ATG7: variants seen among roughly 807,000 people sequenced by gnomAD.
ATG7 encodes autophagy related 7.
ATG7 carries 70 observed loss-of-function variants against 82.4 expected under a neutral mutation model. That is an observed-to-expected ratio of 0.85 (90% CI 0.70 to 1.04). The LOEUF is 1.04. ATG7 is among the 50% of genes least tolerant of loss of function. The probability of loss-of-function intolerance (pLI) is 0.00; values close to 1 mark genes in which losing one functional copy is unlikely to be tolerated. For missense variants in ATG7, 792 were observed against 864.3 expected (o/e 0.92, Z 1.05); for synonymous variants, 287 against 313.0 (o/e 0.92, Z 0.88).
At chr3:11,336,364 G>A (rs1952490478) in intron 11 of ATG7, among the ~76,000 whole-genome samples, 2 of 152,018 alleles carry the variant, frequency 1.3e-5, no homozygotes, top group African/African-American at 2.4e-5. Context: ...GAACCACACC[G>A]TACATTTCCA....
At chr3:11,304,326 G>T (rs553303104) in intron 5 of ATG7, among the ~76,000 whole-genome samples, 1 of 152,112 alleles carries the variant, frequency 6.6e-6, no homozygotes, top group Non-Finnish European at 1.5e-5. Context: ...AATTACAAGC[G>T]GTCTAAGCGC....
intron 20 of ATG7, among the ~76,000 whole-genome samples, chr3:11,456,036 A>AT (rs565151670): frequency 2.2e-4 from 34 of 152,154 alleles, no homozygotes; most frequent in Non-Finnish European, 4.9e-4. Context: ...CAGTTCAATA[A>AT]TTTTTTTTAA....
chr3:11,346,604 A>G (rs942993536), intron 13 of ATG7: 6 of 152,200 alleles, frequency 3.9e-5, no homozygotes, highest in Non-Finnish European at 8.8e-5. Context: ...TGACTAACCT[A>G]TGGCATGTTT....
chr3:11,342,080 G>T, intron 12 of ATG7, 55 bp from the exon 13 acceptor site: 1 of 1,517,192 alleles, frequency 6.6e-7, no homozygotes, highest in Admixed American at 2.2e-5. Flanking sequence ...AAATCTTTCA[G>T]AACAAGATTA....
Position 11,340,577 on chromosome 3 carries a change from T to A in ATG7, c.890-68T>A, listed in dbSNP as rs1184084512. 2.9e-6 allele frequency: 4 copies of A among 1,378,136 alleles called. No individual in the cohort carries two copies. The African/African-American group carries it at 5.8e-5, about 20-fold the overall frequency. 85.4% of individuals were successfully genotyped at this position (1,378,136 alleles called of 1,614,324 possible). A position where few individuals can be genotyped will look rare whatever the true frequency, so the allele number is the denominator to read the frequency against. Reference sequence around the variant, plus strand: ...GAATGTCGATCTTTTTTATGTAAGGTCGTTGCTTGATCTGCTTGTTTTTAT... The same window carrying A: ...GAATGTCGATCTTTTTTATGTAAGGACGTTGCTTGATCTGCTTGTTTTTAT... On this transcript the variant is annotated intron_variant, in intron 11 of 20. Transcript: ENST00000693202.
At chr3:11,311,526 T>C (rs374186582) in intron 7 of ATG7, among the ~76,000 whole-genome samples, 2 of 148,850 alleles carry the variant, frequency 1.3e-5, no homozygotes, top group African/African-American at 5.0e-5. Flanking sequence ...TGCTTGAACC[T>C]GGGAGGTGGA....
intron 16 of ATG7, 62 bp from the exon 17 acceptor site, chr3:11,362,751 G>GA: frequency 7.3e-7 from 1 of 1,370,248 alleles, no homozygotes; most frequent in Non-Finnish European, 1.0e-6. Flanking sequence ...TTTCATACTT[G>GA]AGACAGCTAG....
At chr3:11,538,896 G>T (rs2070585268) in intron 20 of ATG7, among the ~76,000 whole-genome samples, 1 of 149,820 alleles carries the variant, frequency 6.7e-6, no homozygotes, top group Non-Finnish European at 1.5e-5. Context: ...AAAAGAAAAA[G>T]CCCTTAGTAA....
intron 1 of ATG7, 144 bp downstream of exon 1, chr3:11,272,574 TTCC>T (rs1940675210): frequency 6.6e-6 from 1 of 152,566 alleles, no homozygotes; most frequent in Non-Finnish European, 1.5e-5. Context: ...TGGGTGGTCC[TTCC>T]TCCTCCAGGG....
intron 20 of ATG7, among the ~76,000 whole-genome samples, chr3:11,516,318 C>T (rs1187466211): frequency 6.6e-6 from 1 of 151,798 alleles, no homozygotes; most frequent in African/African-American, 2.4e-5. Context: ...CACATGTACC[C>T]TAAAACTTAA....
chr3:11,475,868 G>GACAC (rs3219674), intron 20 of ATG7, among the ~76,000 whole-genome samples: 13,819 of 111,018 alleles, frequency 0.12, 739 homozygotes, highest in Middle Eastern at 0.14. Flanking sequence ...CTGTCTCTGA[G>GACAC]ACACACACAC....
At chr3:11,393,424 G>T (rs1167681646) in intron 19 of ATG7, among the ~76,000 whole-genome samples, 1 of 152,150 alleles carries the variant, frequency 6.6e-6, no homozygotes, top group Non-Finnish European at 1.5e-5. Flanking sequence ...GGGAGAAAGG[G>T]TTTGTGTGTC....
chr3:11,347,904 G>T lies in ATG7; in HGVS notation c.1153G>T (p.Val385Leu). ...TTGGGGCGTGAGACACATCACATTT[G>T]TGGACAATGCCAAGATCTCCTACTC... ...MGWGVRHITF[V>L]DNAKISYSNP... The change falls in exon 14 of 21, where the codon GTG (valine) becomes TTG (leucine). Residue 385 changes from valine (V) to leucine (L), a missense_variant. Val to Leu is a conservative substitution (Grantham distance 32, BLOSUM62 1). Coordinates refer to ENST00000693202, the MANE Select transcript of ATG7 (RefSeq NM_001349232.2). 6.2e-7 allele frequency: 1 copy of T among 1,614,100 alleles called. No homozygotes were observed.
chr3:11,517,236 G>A (rs1350538054), intron 20 of ATG7, among the ~76,000 whole-genome samples: 1 of 152,112 alleles, frequency 6.6e-6, no homozygotes, highest in East Asian at 1.9e-4. Context: ...AGCTACTGGG[G>A]AGGCTGAGGC....
At position 11,443,186 on chromosome 3, in the gene ATG7, C is replaced by T. The variant is rs190657261; in HGVS notation, c.2079+16260C>T. ...ACACACTTCTGTGTGGGGCGTGCTC[C>T]CACCTCCAGCCTGCTCAGCTGATCT... On this transcript the variant is annotated intron_variant, in intron 20 of 20. Coordinates refer to ENST00000693202, the MANE Select transcript of ATG7 (RefSeq NM_001349232.2). 1.2e-3 allele frequency among the ~76,000 whole-genome samples: 189 copies of T among 152,256 alleles called. 1 individual carries two copies. The highest frequency in any genetic ancestry group is 4.4e-3 in the African/African-American group (184 of 41,554).
chr3:11,419,485 C>T (rs1241338247), intron 19 of ATG7, among the ~76,000 whole-genome samples: 1 of 152,076 alleles, frequency 6.6e-6, no homozygotes, highest in African/African-American at 2.4e-5. Context: ...ACCCAGGAGG[C>T]AGAGGCTGCA....
intron 20 of ATG7, among the ~76,000 whole-genome samples, chr3:11,460,617 A>G (rs570945543): frequency 1.1e-4 from 16 of 152,320 alleles, no homozygotes; most frequent in African/African-American, 3.8e-4. Context: ...CAATTCACAG[A>G]ATTCATTCCA....
intron 20 of ATG7, among the ~76,000 whole-genome samples, chr3:11,429,927 C>G (rs958098668): frequency 1.1e-4 from 14 of 131,884 alleles, no homozygotes; most frequent in Non-Finnish European, 4.6e-5. Flanking sequence ...GCCTGGGCGA[C>G]AGAGCGAGAC....
chr3:11,348,050 T>C lies in ATG7; in HGVS notation c.1284+15T>C. 1.2e-6 allele frequency: 2 copies of C among 1,607,614 alleles called. No individual in the cohort carries two copies. The highest frequency in any genetic ancestry group is 1.7e-6 in the Non-Finnish European group (2 of 1,175,890). On this transcript the variant is annotated intron_variant, in intron 14 of 20. Coordinates refer to ENST00000693202, the MANE Select transcript of ATG7 (RefSeq NM_001349232.2). ...TCCCCGGTGTGGTATGTTGTTGCTT[T>C]TGCAGAGGTTTTCTGTTATATGTAT...
Sources: gnomAD v4.1 joint callset for allele counts (sites outside exome capture counted in the v4.1 genomes callset) on GRCh38, gnomAD v4.1.1 for gene constraint, MANE v1.5 for transcripts, NCBI Gene and HGNC (gene_info 2026-07-23, HGNC 2026-07-21) for gene names.